The following CTNND1 variants were observed in gnomAD, a reference collection of about 807,000 sequenced individuals.
The protein encoded by CTNND1 is catenin delta-1.
CTNND1 carries 16 observed loss-of-function variants against 112.1 expected under a neutral mutation model. That is an observed-to-expected ratio of 0.14 (90% CI 0.10 to 0.22). The LOEUF (loss-of-function observed/expected upper bound fraction) is 0.22. CTNND1 is among the 10% of genes least tolerant of loss of function. CTNND1 has a pLI of 1.00. For missense variants in CTNND1, 1,008 were observed against 1,257.0 expected (o/e 0.80, Z 3.00); for synonymous variants, 420 against 446.5 (o/e 0.94, Z 0.75).
intron 1 of CTNND1, among the ~76,000 whole-genome samples, chr11:57,768,846 G>A (rs1951805932): frequency 6.6e-6 from 1 of 152,138 alleles, no homozygotes; most frequent in South Asian, 2.1e-4. Context: ...ATACATATGT[G>A]TTAGATACAA....
chr11:57,767,350 A>T (rs1423905836), intron 1 of CTNND1, among the ~76,000 whole-genome samples: 1 of 152,160 alleles, frequency 6.6e-6, no homozygotes, highest in African/African-American at 2.4e-5. Context: ...GGTTGATGTG[A>T]TGTGATGACA....
chr11:57,814,490 T>C (rs2063729123), intron 18 of CTNND1, 117 bp downstream of exon 18: 2 of 692,944 alleles, frequency 2.9e-6, no homozygotes, highest in South Asian at 1.8e-5. Context: ...TGGGAGAGCA[T>C]TGGCTGATCA....
intron 1 of CTNND1, among the ~76,000 whole-genome samples, chr11:57,768,131 G>A (rs1382785011): frequency 7.1e-6 from 1 of 140,524 alleles, no homozygotes; most frequent in Non-Finnish European, 1.5e-5. Context: ...CACCATGCCC[G>A]TCCGAAGGTC....
chr11:57,789,881 T>A (rs2060509001), intron 2 of CTNND1, among the ~76,000 whole-genome samples: 1 of 152,182 alleles, frequency 6.6e-6, no homozygotes, highest in Non-Finnish European at 1.5e-5. Context: ...AGGTGCACTT[T>A]CAGAGGTTGA....
At chr11:57,814,414 T>TC in intron 18 of CTNND1, 41 bp downstream of exon 18, 1 of 1,489,176 alleles carries the variant, frequency 6.7e-7, no homozygotes, top group Non-Finnish European at 9.3e-7. Context: ...GAGTAATATT[T>TC]CACTGGCTAA....
chr11:57,816,677 G>T lies in CTNND1; in HGVS notation c.*369G>T, dbSNP rs1175572200. ...GAATCTTCACTAGAAGCCGTGGGAA[G>T]AATTGGAAGTTACATGCTGTATATG... On this transcript the variant is annotated 3_prime_UTR_variant, in exon 21 of 21. Coordinates refer to ENST00000399050, the MANE Select transcript of CTNND1 (RefSeq NM_001085458.2). 1 of 324,814 alleles carries T rather than the reference G, an allele frequency of 3.1e-6. No individual in the cohort carries two copies. Among genetic ancestry groups the T allele is most frequent in the Admixed American group, 4.4e-5 (1 of 22,670 alleles). 20.1% of individuals were successfully genotyped at this position (324,814 alleles called of 1,614,324 possible).
At position 57,791,528 on chromosome 11, in the gene CTNND1, A is replaced by G; in HGVS notation, c.50A>G (p.Lys17Arg). Residue 17 changes from lysine to arginine, a missense_variant, in exon 3 of 21, where the codon AAG becomes AGG. Lys to Arg is a conservative substitution (Grantham distance 26). This residue lies in a region of CTNND1 where 404 missense variants were observed against 457.9 expected (regional missense o/e 0.88). Coordinates refer to ENST00000399050, the MANE Select transcript of CTNND1 (RefSeq NM_001085458.2). ...ACCGCCAGCATCTTGGCCTCTGTGA[A>G]GGAACAAGAGGCCCAGTTTGAGAAG... is the stretch of plus-strand genomic sequence containing the variant. ...ESTASILASV[K>R]EQEAQFEKLT... The G allele has an allele frequency of 6.2e-7, 1 of 1,602,280 alleles. No homozygotes were observed. Among genetic ancestry groups the G allele is most frequent in the Non-Finnish European group, 8.5e-7 (1 of 1,174,986 alleles).
intron 7 of CTNND1, 37 bp from the exon 8 acceptor site, chr11:57,803,584 A>G (rs558956982): frequency 9.1e-6 from 14 of 1,535,968 alleles, no homozygotes; most frequent in Admixed American, 7.4e-5. Flanking sequence ...TATTGTCTTG[A>G]ATGCTCAAGA....
At chr11:57,779,363 CCT>C (rs2059336498) in intron 1 of CTNND1, among the ~76,000 whole-genome samples, 1 of 152,108 alleles carries the variant, frequency 6.6e-6, no homozygotes, top group South Asian at 2.1e-4. Context: ...CCTGTAATAC[CCT>C]CTCTCTTTTC....
chr11:57,773,314 G>A (rs1377054461), intron 1 of CTNND1, among the ~76,000 whole-genome samples: 1 of 151,948 alleles, frequency 6.6e-6, no homozygotes, highest in Admixed American at 6.6e-5. Context: ...TGTGTTTTTT[G>A]TAGAGACATG....
At chr11:57,795,498 C>A in intron 4 of CTNND1, 79 bp from the exon 5 acceptor site, 1 of 1,473,430 alleles carries the variant, frequency 6.8e-7, no homozygotes, top group Non-Finnish European at 9.1e-7. Context: ...CCAGGTTTAC[C>A]ACTTATGCTT....
chr11:57,810,652 T>G (rs2063229453), intron 16 of CTNND1, among the ~76,000 whole-genome samples: 1 of 151,890 alleles, frequency 6.6e-6, no homozygotes. Context: ...TTGACCCATA[T>G]TTCTTAATTA....
Position 57,808,556 on chromosome 11 carries a change from C to A in CTNND1, c.2242+16C>A. The A allele has an allele frequency of 6.4e-7, 1 of 1,566,662 alleles. No homozygotes were observed. The highest frequency in any genetic ancestry group is 2.0e-5 in the Admixed American group (1 of 51,148). ...GAATTAATTGGTGAGGAGTTGAATG[C>A]TAACTGTTACCTCAAAATTTAGTAC... On this transcript the variant is annotated intron_variant, in intron 14 of 20. Transcript: ENST00000399050.
At chr11:57,779,902 G>A (rs754463069) in intron 1 of CTNND1, among the ~76,000 whole-genome samples, 24 of 152,188 alleles carry the variant, frequency 1.6e-4, no homozygotes, top group Non-Finnish European at 3.1e-4. Flanking sequence ...TAGGCTGCAA[G>A]CTACTCTTCC....
chr11:57,798,271 C>T (rs934598680), intron 6 of CTNND1, among the ~76,000 whole-genome samples: 8 of 149,470 alleles, frequency 5.4e-5, no homozygotes, highest in East Asian at 4.0e-4. Flanking sequence ...CACTTGAACC[C>T]GGGTGGCAGA....
chr11:57,782,804 T>C (rs2059714838), intron 1 of CTNND1, among the ~76,000 whole-genome samples: 2 of 151,970 alleles, frequency 1.3e-5, no homozygotes, highest in African/African-American at 2.4e-5. Flanking sequence ...ATAGAAAGAG[T>C]GAACACTAGG....
chr11:57,816,240 G>A, intron 20 of CTNND1, 57 bp from the exon 21 acceptor site: 12 of 1,607,856 alleles, frequency 7.5e-6, no homozygotes, highest in Non-Finnish European at 1.0e-5. Flanking sequence ...TTTTTTGGGG[G>A]GGGTCTCCTT....
At chr11:57,803,185 G>A (rs1020180027) in intron 7 of CTNND1, among the ~76,000 whole-genome samples, 1 of 152,142 alleles carries the variant, frequency 6.6e-6, no homozygotes, top group Non-Finnish European at 1.5e-5. Context: ...TCAGCTCACC[G>A]CAAGCTCCGC....
intron 12 of CTNND1, among the ~76,000 whole-genome samples, chr11:57,807,315 T>G (rs1390476492): frequency 6.6e-6 from 1 of 152,148 alleles, no homozygotes; most frequent in African/African-American, 2.4e-5. Context: ...CCAAGAAAGA[T>G]ACTTTTTAGG....
Sources: allele counts gnomAD v4.1 joint callset (sites outside exome capture counted in the v4.1 genomes callset), GRCh38; gene constraint gnomAD v4.1.1; regional missense constraint gnomAD v4.1.1; transcripts MANE v1.5; gene names NCBI Gene and HGNC (gene_info 2026-07-23, HGNC 2026-07-21).